Variants in MB21D2 observed in about 807,000 individuals in gnomAD.
MB21D2 encodes the protein Mab-21 domain containing 2.
Under a neutral mutation model 33.3 loss-of-function variants are expected in MB21D2, and 9 were observed. The observed-to-expected ratio is 0.27, with a 90% CI of 0.16 to 0.47. The LOEUF (loss-of-function observed/expected upper bound fraction) is 0.47. Among genes scored for constraint, MB21D2 ranks in the 20% least tolerant of loss-of-function variants. The pLI is 0.99. For missense variants in MB21D2, 540 were observed against 624.6 expected (o/e 0.86, Z 1.44); for synonymous variants, 241 against 236.3 (o/e 1.02, Z -0.18).
At chr3:192,878,138 C>T (rs775869882) in intron 1 of MB21D2, among the ~76,000 whole-genome samples, 5 of 124,924 alleles carry the variant, frequency 4.0e-5, no homozygotes, top group Non-Finnish European at 7.7e-5. Context: ...CTCGCTCTGT[C>T]GCCCAGGCTG....
intron 1 of MB21D2, among the ~76,000 whole-genome samples, chr3:192,901,666 ATTAGTCACTTT>A (rs1454669939): frequency 2.6e-5 from 4 of 152,230 alleles, no homozygotes; most frequent in Non-Finnish European, 2.9e-5. Context: ...TTAACAAATC[ATTAGTCACTTT>A]TTAGTCACTA....
chr3:192,912,154 G>A (rs1268202756), intron 1 of MB21D2, among the ~76,000 whole-genome samples: 3 of 152,180 alleles, frequency 2.0e-5, no homozygotes, highest in Non-Finnish European at 4.4e-5. Flanking sequence ...TGGCCTGAAA[G>A]GAGAAACAGC....
intron 1 of MB21D2, among the ~76,000 whole-genome samples, chr3:192,884,283 C>T (rs1431052624): frequency 6.6e-6 from 1 of 152,058 alleles, no homozygotes; most frequent in Non-Finnish European, 1.5e-5. Context: ...TGCACTAATC[C>T]TCTCTCCCTT....
chr3:192,884,579 G>T (rs796974693), intron 1 of MB21D2, among the ~76,000 whole-genome samples: 3 of 151,968 alleles, frequency 2.0e-5, no homozygotes, highest in Non-Finnish European at 4.4e-5. Context: ...GTGTTAGCCA[G>T]GATGGTCTTG....
rs1012305978 is a variant in MB21D2 at position 192,879,313 on chromosome 3, G to C, written c.211+38317C>G. 7.2e-5 allele frequency among the ~76,000 whole-genome samples: 11 copies of C among 152,224 alleles called. 1 individual carries two copies. Among genetic ancestry groups the C allele is most frequent in the Non-Finnish European group, 1.3e-4 (9 of 68,048 alleles). ...CTTTCCACTGATGTCACCAGCACCA[G>C]AGCTGGGCAGCACACACAGCCTTGA... is the stretch of plus-strand genomic sequence containing the variant. On this transcript the variant is annotated intron_variant, in intron 1 of 1. Coordinates refer to ENST00000392452, the MANE Select transcript of MB21D2 (RefSeq NM_178496.4).
At chr3:192,853,212 A>G (rs1017888426) in intron 1 of MB21D2, among the ~76,000 whole-genome samples, 1 of 151,988 alleles carries the variant, frequency 6.6e-6, no homozygotes, top group African/African-American at 2.4e-5. Context: ...CACCAACCAC[A>G]TCACCCCTCG....
intron 1 of MB21D2, among the ~76,000 whole-genome samples, chr3:192,858,633 A>G (rs1320436953): frequency 2.0e-5 from 3 of 152,190 alleles, no homozygotes; most frequent in Non-Finnish European, 2.9e-5. Flanking sequence ...TAGGAACTCA[A>G]TTAAAAAATG....
intron 1 of MB21D2, among the ~76,000 whole-genome samples, chr3:192,850,694 C>G (rs73890343): frequency 0.073 from 11,071 of 152,226 alleles, 1,367 homozygotes; most frequent in African/African-American, 0.25. Flanking sequence ...GAGCCCCGTC[C>G]CGTCTCCCTG....
rs1303892267 is a variant in MB21D2, at chr3:192,798,279, C to T, written c.*107G>A. On this transcript the variant is annotated 3_prime_UTR_variant, in exon 2 of 2. Transcript: ENST00000392452. The surrounding 1 kb of genome is among the most constrained non-coding windows in gnomAD (Gnocchi z 4.8). ...CAGGAAACTTAAAATTTGTTCTTAA[C>T]AAATCCAATCTAGGCTGGATATGTA... 2 of 1,313,542 alleles carry T rather than the reference C, an allele frequency of 1.5e-6. No homozygotes were observed. Among genetic ancestry groups the T allele is most frequent in the African/African-American group, 3.0e-5 (2 of 67,464 alleles). The allele number at this position is 1,313,542 out of a possible 1,614,324, so 81.4% of individuals were successfully genotyped here. A position where few individuals can be genotyped will look rare whatever the true frequency, so the allele number is the denominator to read the frequency against.
chr3:192,804,493 AAAG>A (rs747612050), intron 1 of MB21D2, among the ~76,000 whole-genome samples: 1 of 152,252 alleles, frequency 6.6e-6, no homozygotes, highest in East Asian at 1.9e-4. Flanking sequence ...AAGGTTTATA[AAAG>A]AAGTAAAATT....
intron 1 of MB21D2, among the ~76,000 whole-genome samples, chr3:192,817,672 CCACTGTGTGT>C (rs1711957216): frequency 6.6e-6 from 1 of 152,106 alleles, no homozygotes; most frequent in Admixed American, 6.5e-5. Context: ...ACACCCCATG[CCACTGTGTGT>C]CACTGTAACA....
At chr3:192,840,524 C>A (rs1712547885) in intron 1 of MB21D2, among the ~76,000 whole-genome samples, 1 of 143,454 alleles carries the variant, frequency 7.0e-6, no homozygotes, top group South Asian at 2.3e-4. Context: ...GTTTCCAGCG[C>A]AATCCCTCTA....
intron 1 of MB21D2, among the ~76,000 whole-genome samples, chr3:192,882,793 G>A (rs1309072412): frequency 6.6e-6 from 1 of 151,152 alleles, no homozygotes; most frequent in Non-Finnish European, 1.5e-5. Flanking sequence ...GGAGTGCAAT[G>A]GCACGATCTT....
chr3:192,896,469 T>C (rs1713976109), intron 1 of MB21D2, among the ~76,000 whole-genome samples: 1 of 152,088 alleles, frequency 6.6e-6, no homozygotes, highest in Non-Finnish European at 1.5e-5. Flanking sequence ...TCCACCCACC[T>C]CAGCCTCAAA....
intron 1 of MB21D2, among the ~76,000 whole-genome samples, chr3:192,896,243 T>C (rs573693002): frequency 4.6e-5 from 7 of 152,354 alleles, no homozygotes; most frequent in South Asian, 2.1e-4. Context: ...AAAGGATAGT[T>C]TGCCCAAGGT....
At chr3:192,904,175 T>C (rs1714159329) in intron 1 of MB21D2, among the ~76,000 whole-genome samples, 1 of 152,142 alleles carries the variant, frequency 6.6e-6, no homozygotes, top group African/African-American at 2.4e-5. Context: ...TCAAACGTTT[T>C]CCCATTCAAA....
chr3:192,881,863 G>A (rs1713603642), intron 1 of MB21D2, among the ~76,000 whole-genome samples: 1 of 152,090 alleles, frequency 6.6e-6, no homozygotes, highest in Non-Finnish European at 1.5e-5. Flanking sequence ...GTCCCCAAAA[G>A]TATTGAACTC....
At chr3:192,817,169 T>C (rs1449156119) in intron 1 of MB21D2, among the ~76,000 whole-genome samples, 2 of 152,220 alleles carry the variant, frequency 1.3e-5, no homozygotes, top group Non-Finnish European at 1.5e-5. Flanking sequence ...TTTAGTAATG[T>C]AGTCATGTGG....
At chr3:192,801,392 C>G (rs1377290933) in intron 1 of MB21D2, among the ~76,000 whole-genome samples, 1 of 152,176 alleles carries the variant, frequency 6.6e-6, no homozygotes, top group Non-Finnish European at 1.5e-5. Flanking sequence ...CTTCATAGGA[C>G]AATCCCAAAT....
Sources: allele counts gnomAD v4.1 joint callset (sites outside exome capture counted in the v4.1 genomes callset), GRCh38; gene constraint gnomAD v4.1.1; non-coding constraint Gnocchi (gnomAD v3.1); transcripts MANE v1.5; gene names NCBI Gene and HGNC (gene_info 2026-07-23, HGNC 2026-07-21).